Variants in CFAP97D2 observed in about 807,000 individuals in gnomAD.
CFAP97D2 encodes the protein CFAP97 domain containing 2, also known as uncharacterized protein CFAP97D2.
chr13:114,211,104 C>T lies in CFAP97D2; in HGVS notation c.291-808C>T, dbSNP rs1037337807. Reference sequence around the variant, plus strand: ...CATTATTCCCTGCTTCCACAAATCTCCCTAGTTCACCAAACTCTCAGCCCT... The same window carrying T: ...CATTATTCCCTGCTTCCACAAATCTTCCTAGTTCACCAAACTCTCAGCCCT... On this transcript the variant is annotated intron_variant, in intron 3 of 4. Coordinates refer to ENST00000646158, the Ensembl canonical transcript of CFAP97D2. This position sits in a 1 kb window ranked among gnomAD's most constrained non-coding sequence, Gnocchi z 4.2. Among the ~76,000 whole-genome samples the T allele has an allele frequency of 6.6e-6, 1 of 152,202 alleles. No individual in the cohort carries two copies. Among genetic ancestry groups the T allele is most frequent in the Admixed American group, 6.5e-5 (1 of 15,286 alleles).
rs1345618173 is a variant in CFAP97D2, at chr13:114,186,974, G to A, written c.90+7554G>A. Among the ~76,000 whole-genome samples the A allele has an allele frequency of 6.6e-6, 1 of 152,204 alleles. No homozygotes were observed. Among genetic ancestry groups the A allele is most frequent in the Non-Finnish European group, 1.5e-5 (1 of 68,036 alleles). ...CGGCAAAGGTGCCACCAGCCACAGA[G>A]GTTTCCAGCCAGAAAGGCAACACCC... On this transcript the variant is annotated intron_variant, in intron 1 of 4. Coordinates refer to ENST00000646158, the Ensembl canonical transcript of CFAP97D2. This position sits in a 1 kb window ranked among gnomAD's most constrained non-coding sequence, Gnocchi z 4.3.
rs1290057497 is a variant in CFAP97D2 at position 114,179,952 on chromosome 13, G to A, written c.90+532G>A. On this transcript the variant is annotated intron_variant, in intron 1 of 4. Coordinates refer to ENST00000646158, the Ensembl canonical transcript of CFAP97D2. This position sits in a 1 kb window ranked among gnomAD's most constrained non-coding sequence, Gnocchi z 4.8. The stretch of plus-strand genomic sequence containing the variant: ...AGGCATGAGCCACCGTGCCCGGCCC[G>A]GCATCCTTTTCTCTATCAAAACAGT... 2.0e-5 allele frequency among the ~76,000 whole-genome samples: 3 copies of A among 152,072 alleles called. No individual in the cohort carries two copies. The highest frequency in any genetic ancestry group is 4.4e-5 in the Non-Finnish European group (3 of 68,000).
At chr13:114,198,349 G>T (rs1012092421) in intron 2 of CFAP97D2, among the ~76,000 whole-genome samples, 2 of 152,220 alleles carry the variant, frequency 1.3e-5, no homozygotes, top group South Asian at 2.1e-4. Flanking sequence ...AACTGAAGCC[G>T]AGTAACCAGT....
At chr13:114,208,683 G>C (rs1165373654) in intron 3 of CFAP97D2, among the ~76,000 whole-genome samples, 1 of 152,168 alleles carries the variant, frequency 6.6e-6, no homozygotes, top group Non-Finnish European at 1.5e-5. Flanking sequence ...AAAAACTGGT[G>C]AAAATATGAC....
At chr13:114,208,063 C>T (rs1247848056) in intron 3 of CFAP97D2, among the ~76,000 whole-genome samples, 1 of 152,154 alleles carries the variant, frequency 6.6e-6, no homozygotes, top group Non-Finnish European at 1.5e-5. Context: ...CTCACTCTGC[C>T]GTCTCTCCCA....
chr13:114,183,084 C>A (rs557235468), intron 1 of CFAP97D2, among the ~76,000 whole-genome samples: 11 of 152,290 alleles, frequency 7.2e-5, no homozygotes, highest in African/African-American at 2.6e-4. Flanking sequence ...AGGAAAGAAT[C>A]CCTGAGCTTT....
At chr13:114,190,479 A>G (rs777982834) in intron 1 of CFAP97D2, among the ~76,000 whole-genome samples, 13 of 152,230 alleles carry the variant, frequency 8.5e-5, no homozygotes, top group Non-Finnish European at 1.5e-4. Flanking sequence ...AATCTACAAA[A>G]GTCAATCACT....
chr13:114,195,832 G>A (rs2138761144), intron 1 of CFAP97D2, among the ~76,000 whole-genome samples: 1 of 151,998 alleles, frequency 6.6e-6, no homozygotes, highest in African/African-American at 2.4e-5. Flanking sequence ...AGCACTTTGG[G>A]AGGCCGAGGC....
exon 4 of CFAP97D2, chr13:114,212,010 T>C (rs2080968452): frequency 2.5e-6 from 1 of 398,646 alleles, no homozygotes; most frequent in Admixed American, 4.4e-5. Context: ...GGTATGGAGC[T>C]CAAAGGTGGT....
chr13:114,183,222 A>G (rs2080843322), intron 1 of CFAP97D2, among the ~76,000 whole-genome samples: 1 of 152,126 alleles, frequency 6.6e-6, no homozygotes, highest in African/African-American at 2.4e-5. Flanking sequence ...GCGGGAGTGC[A>G]GTGGTGTGAT....
At chr13:114,218,452 C>T (rs2081005671) in intron 4 of CFAP97D2, among the ~76,000 whole-genome samples, 1 of 152,144 alleles carries the variant, frequency 6.6e-6, no homozygotes, top group South Asian at 2.1e-4. Flanking sequence ...CCATACTGCC[C>T]AAGGTAATTT....
rs902238681 is a variant in CFAP97D2 at position 114,211,575 on chromosome 13, C to G, written c.291-337C>G. Among the ~76,000 whole-genome samples the G allele has an allele frequency of 3.3e-5, 5 of 152,164 alleles. No homozygotes were observed. The highest frequency in any genetic ancestry group is 6.5e-5 in the Admixed American group (1 of 15,278). ...CGCCCTCCCTGCCTGGGACCCCACT[C>G]TCTCCCACTCATCTTGTCCAGCATC... On this transcript the variant is annotated intron_variant, in intron 3 of 4. Transcript: ENST00000646158. This position sits in a 1 kb window ranked among gnomAD's most constrained non-coding sequence, Gnocchi z 4.2.
intron 2 of CFAP97D2, among the ~76,000 whole-genome samples, chr13:114,199,403 C>A (rs1210162536): frequency 3.0e-5 from 2 of 66,996 alleles, no homozygotes; most frequent in Non-Finnish European, 5.6e-5. Context: ...TGGGTACGGT[C>A]CCCGCCGAGG....
Position 114,189,879 on chromosome 13 carries a change from G to A in CFAP97D2, c.91-6517G>A, listed in dbSNP as rs546971880. ...ATCTCCAGGCTGGGCATGGTGGCTC[G>A]CCCTGTAATCAGAACACTTTGGGTG... On this transcript the variant is annotated intron_variant, in intron 1 of 4. Coordinates refer to ENST00000646158, the Ensembl canonical transcript of CFAP97D2. This position sits in a 1 kb window ranked among gnomAD's most constrained non-coding sequence, Gnocchi z 4.5. Among the ~76,000 whole-genome samples the A allele has an allele frequency of 9.9e-5, 15 of 152,202 alleles. No individual in the cohort carries two copies. Among genetic ancestry groups the A allele is most frequent in the East Asian group, 7.7e-4 (4 of 5,184 alleles).
At chr13:114,192,792 C>T (rs1048934760) in intron 1 of CFAP97D2, among the ~76,000 whole-genome samples, 1 of 152,094 alleles carries the variant, frequency 6.6e-6, no homozygotes, top group Admixed American at 6.5e-5. Context: ...TCCATAGATG[C>T]AAGGGTGATT....
chr13:114,196,076 C>CAAAAAAA (rs57315285), intron 1 of CFAP97D2, among the ~76,000 whole-genome samples: 1 of 100,972 alleles, frequency 9.9e-6, no homozygotes, highest in African/African-American at 3.6e-5. Context: ...GAGCGAGACT[C>CAAAAAAA]AAAAAAAAAA....
intron 3 of CFAP97D2, 112 bp downstream of exon 3, chr13:114,200,555 G>T: frequency 2.5e-6 from 1 of 393,174 alleles, no homozygotes; most frequent in Non-Finnish European, 4.5e-6. Context: ...AGGCGTTTCT[G>T]TCCTCTCCCG....
intron 3 of CFAP97D2, among the ~76,000 whole-genome samples, chr13:114,201,493 C>G (rs529383522): frequency 7.2e-5 from 11 of 152,296 alleles, no homozygotes; most frequent in Admixed American, 5.2e-4. Context: ...CCTGCATGGT[C>G]CTGTGTGCTG....
At chr13:114,220,405 G>A (rs985374906) in intron 4 of CFAP97D2, among the ~76,000 whole-genome samples, 1 of 152,134 alleles carries the variant, frequency 6.6e-6, no homozygotes, top group African/African-American at 2.4e-5. Flanking sequence ...AGGCTGTACT[G>A]CTAGTCTCCT....
Sources: allele counts gnomAD v4.1 joint callset (sites outside exome capture counted in the v4.1 genomes callset), GRCh38; gene constraint gnomAD v4.1.1; non-coding constraint Gnocchi (gnomAD v3.1); transcripts MANE v1.5; gene names NCBI Gene and HGNC (gene_info 2026-07-23, HGNC 2026-07-21).